MRC1: variants seen among roughly 807,000 people sequenced by gnomAD.
The protein encoded by MRC1 is macrophage mannose receptor 1.
MRC1 carries 62 observed loss-of-function variants against 102.9 expected under a neutral mutation model. The observed-to-expected ratio is 0.60, with a 90% confidence interval of 0.49 to 0.74. The LOEUF is 0.74. MRC1 is among the 30% of genes least tolerant of loss of function. MRC1 has a pLI of 0.00. For synonymous variants in MRC1, 457 were observed against 298.4 expected (o/e 1.53, Z -5.48); for missense variants, 1,237 against 862.8 (o/e 1.43, Z -5.43).
intron 4 of MRC1, among the ~76,000 whole-genome samples, chr10:17,837,897 G>A (rs1012166735): frequency 2.0e-5 from 3 of 151,830 alleles, no homozygotes; most frequent in Non-Finnish European, 4.4e-5. Context: ...CACCATGCTC[G>A]GCCAGTCAGT....
intron 22 of MRC1, among the ~76,000 whole-genome samples, chr10:17,888,402 G>A (rs1037267392): frequency 3.9e-5 from 6 of 152,282 alleles, no homozygotes; most frequent in Non-Finnish European, 5.9e-5. Context: ...TGTAGGCTGT[G>A]ATTCACTGTA....
At position 17,849,570 on chromosome 10, in the gene MRC1, T is replaced by A; in HGVS notation, c.1064-9T>A. On this transcript the variant is annotated splice_polypyrimidine_tract_variant and intron_variant, in intron 6 of 29. Coordinates refer to ENST00000569591, the MANE Select transcript of MRC1 (RefSeq NM_002438.4). ...AAAATTTTTTTCCGACCCCCCTTTT[T>A]GTTTCTAGAAAGTGATGTGCCTACT... 1.3e-6 allele frequency: 1 copy of A among 778,178 alleles called. No homozygotes were observed. Among genetic ancestry groups the A allele is most frequent in the South Asian group, 1.4e-5 (1 of 73,472 alleles). The allele number at this position is 778,178 out of a possible 1,614,324, so 48.2% of individuals were successfully genotyped here.
At chr10:17,896,175 T>G (rs1833752455) in intron 23 of MRC1, among the ~76,000 whole-genome samples, 1 of 152,108 alleles carries the variant, frequency 6.6e-6, no homozygotes, top group South Asian at 2.1e-4. Context: ...AAAGGATGGG[T>G]TTGTGTTGGA....
chr10:17,861,163 T>C (rs1195350370), intron 9 of MRC1, among the ~76,000 whole-genome samples: 1 of 151,750 alleles, frequency 6.6e-6, no homozygotes, highest in Non-Finnish European at 1.5e-5. Context: ...GACAGAAAAA[T>C]TTGGCCGGGT....
intron 22 of MRC1, among the ~76,000 whole-genome samples, chr10:17,890,961 C>G (rs1310586207): frequency 6.6e-6 from 1 of 151,700 alleles, no homozygotes; most frequent in Non-Finnish European, 1.5e-5. Flanking sequence ...AAACGTGAAC[C>G]CTACTGTGAA....
At chr10:17,885,068 A>G (rs1833573442) in intron 21 of MRC1, among the ~76,000 whole-genome samples, 6 of 152,360 alleles carry the variant, frequency 3.9e-5, no homozygotes, top group Admixed American at 3.3e-4. Flanking sequence ...CTTTTATTGT[A>G]TGAAACTTTT....
intron 1 of MRC1, among the ~76,000 whole-genome samples, chr10:17,819,459 G>A (rs1368550751): frequency 2.7e-4 from 20 of 74,850 alleles, no homozygotes; most frequent in Non-Finnish European, 4.8e-4. Context: ...TTGTATGTGT[G>A]TGTGTGTGTG....
Position 17,906,959 on chromosome 10 carries a change from TAA to T in MRC1, c.3876_3877del (p.Lys1292AsnfsTer12). The T allele has an allele frequency of 1.2e-6, 1 of 812,252 alleles. No homozygotes were observed. Among genetic ancestry groups the T allele is most frequent in the Non-Finnish European group, 2.2e-6 (1 of 446,750 alleles). 50.3% of individuals were successfully genotyped at this position (812,252 alleles called of 1,614,324 possible). On this transcript the variant is annotated frameshift_variant, in exon 27 of 30. Coordinates refer to ENST00000569591, the MANE Select transcript of MRC1 (RefSeq NM_002438.4). LOFTEE classifies it high-confidence loss of function. ...LSYRVEPLKS[K>X]TNFWIGLFRN... Reference sequence around the variant, plus strand: ...CATATCGGGTTGAGCCACTTAAAAGTAAAACCAATTTTTGGATAGGATTGTTC... The same window carrying T: ...CATATCGGGTTGAGCCACTTAAAAGTAACCAATTTTTGGATAGGATTGTTC...
At chr10:17,887,852 G>C (rs1267510284) in intron 22 of MRC1, among the ~76,000 whole-genome samples, 15 of 152,100 alleles carry the variant, frequency 9.9e-5, no homozygotes, top group African/African-American at 3.4e-4. Context: ...CGCCCGGCTG[G>C]TGTGCAATGG....
chr10:17,824,265 C>T (rs1248159941), intron 2 of MRC1, among the ~76,000 whole-genome samples: 1 of 152,184 alleles, frequency 6.6e-6, no homozygotes, highest in Non-Finnish European at 1.5e-5. Flanking sequence ...AAAGGCTGGT[C>T]TCTTGAGTCA....
At chr10:17,869,527 A>C (rs969104058) in intron 12 of MRC1, among the ~76,000 whole-genome samples, 5,807 of 152,168 alleles carry the variant, frequency 0.038, 367 homozygotes, top group African/African-American at 0.13. Flanking sequence ...CCTCCTTTCT[A>C]TTTGCATACT....
At chr10:17,828,607 G>C (rs1163654174) in intron 3 of MRC1, among the ~76,000 whole-genome samples, 1 of 151,476 alleles carries the variant, frequency 6.6e-6, no homozygotes, top group Non-Finnish European at 1.5e-5. Flanking sequence ...GTCATCAAAA[G>C]TGTTCTTCAC....
chr10:17,858,782 G>A (rs1463346494), intron 9 of MRC1, among the ~76,000 whole-genome samples: 4 of 152,174 alleles, frequency 2.6e-5, no homozygotes, highest in African/African-American at 9.7e-5. Context: ...CATTGTGCCA[G>A]GCATGAGCCA....
chr10:17,903,523 G>A (rs1208487621), intron 26 of MRC1, among the ~76,000 whole-genome samples: 1 of 148,650 alleles, frequency 6.7e-6, no homozygotes, highest in Non-Finnish European at 1.5e-5. Context: ...AGCCTCCCAA[G>A]TAGCTGAGAC....
intron 21 of MRC1, among the ~76,000 whole-genome samples, chr10:17,883,759 G>A (rs1554842606): frequency 0.014 from 2,077 of 152,266 alleles, 19 homozygotes; most frequent in Non-Finnish European, 0.021. Flanking sequence ...GTACTTGTTG[G>A]TCTAGGAGTT....
At position 17,881,066 on chromosome 10, in the gene MRC1, G is replaced by A; in HGVS notation, c.2866-1G>A. The A allele has an allele frequency of 1.3e-6, 1 of 780,546 alleles. No individual in the cohort carries two copies. Among genetic ancestry groups the A allele is most frequent in the Non-Finnish European group, 2.4e-6 (1 of 417,918 alleles). The allele number at this position is 780,546 out of a possible 1,614,324, so 48.4% of individuals were successfully genotyped here. On this transcript the variant is annotated splice_acceptor_variant, in intron 20 of 29. Coordinates refer to ENST00000569591, the MANE Select transcript of MRC1 (RefSeq NM_002438.4). LOFTEE classifies it high-confidence loss of function. ...TTTTCTCTGCCCCTCTTCCATCCCA[G>A]TGTTTCAAAATCTTTGGATTTATGG...
In MRC1 at chr10:17,853,057, A is replaced by G. The variant is rs1258717360; in HGVS notation, c.1340A>G (p.Lys447Arg). 4 of 780,808 alleles carry G rather than the reference A, an allele frequency of 5.1e-6. No homozygotes were observed. Among genetic ancestry groups the G allele is most frequent in the Middle Eastern group, 2.3e-4 (1 of 4,436 alleles). The allele number at this position is 780,808 out of a possible 1,614,324, so 48.4% of individuals were successfully genotyped here. A position where few individuals can be genotyped will look rare whatever the true frequency, so the allele number is the denominator to read the frequency against. The part of the protein sequence containing the change: ...WSDGTPVTFT[K>R]WLRGEPSHEN... ...GATGGGACCCCTGTAACGTTTACCA[A>G]ATGGCTTCGTGGAGAACCAAGCCAT... Residue 447 changes from lysine to arginine, a missense_variant, in exon 8 of 30, where the codon AAA becomes AGA. Transcript: ENST00000569591.
At chr10:17,867,276 TCTTCTTCCTTCTTTCTTCGTTC>T (rs1272262111) in intron 12 of MRC1, among the ~76,000 whole-genome samples, 3 of 144,014 alleles carry the variant, frequency 2.1e-5, no homozygotes, top group South Asian at 2.5e-4. Context: ...CTCCTCCTCT[TCTTCTTCCTTCTTTCTTCGTTC>T]CTTCTTCCTT....
At chr10:17,876,342 G>A (rs957213422) in intron 17 of MRC1, among the ~76,000 whole-genome samples, 6 of 151,964 alleles carry the variant, frequency 3.9e-5, no homozygotes, top group Non-Finnish European at 7.4e-5. Flanking sequence ...CCACCTACTG[G>A]GTTCAAGCAG....
Sources: gnomAD v4.1 joint callset for allele counts (sites outside exome capture counted in the v4.1 genomes callset) on GRCh38, gnomAD v4.1.1 for gene constraint, MANE v1.5 for transcripts, NCBI Gene and HGNC (gene_info 2026-07-23, HGNC 2026-07-21) for gene names.